SSH1: variants seen among roughly 807,000 people sequenced by gnomAD.
SSH1 encodes slingshot protein phosphatase 1, also known as protein phosphatase Slingshot homolog 1.
SSH1 carries 43 observed loss-of-function variants against 79.7 expected under a neutral mutation model. That is an observed-to-expected ratio of 0.54 (90% CI 0.42 to 0.70). The LOEUF (loss-of-function observed/expected upper bound fraction) is 0.70, where lower values mean the gene tolerates loss of function less well. Among genes scored for constraint, SSH1 ranks in the 30% least tolerant of loss-of-function variants. The probability of loss-of-function intolerance (pLI) is 0.00; values close to 1 mark genes in which losing one functional copy is unlikely to be tolerated. For missense variants in SSH1, 1,206 were observed against 1,358.8 expected, an observed-to-expected ratio of 0.89 and a Z score of 1.77; for synonymous variants, 599 against 538.3, an observed-to-expected ratio of 1.11 and a Z score of -1.56.
At chr12:108,833,347 C>T (rs1357873076) in intron 2 of SSH1, among the ~76,000 whole-genome samples, 2 of 152,156 alleles carry the variant, frequency 1.3e-5, no homozygotes, top group African/African-American at 4.8e-5. Flanking sequence ...GGTATAAAGG[C>T]TGCACTGTGC....
At chr12:108,856,474 C>G (rs2039145452) in intron 1 of SSH1, among the ~76,000 whole-genome samples, 1 of 152,218 alleles carries the variant, frequency 6.6e-6, no homozygotes, top group Non-Finnish European at 1.5e-5. Flanking sequence ...TGCAATCACC[C>G]AGAATGGGTC....
chr12:108,796,591 C>T (rs183189365), intron 13 of SSH1, among the ~76,000 whole-genome samples: 1 of 152,238 alleles, frequency 6.6e-6, no homozygotes, highest in Admixed American at 6.5e-5. Flanking sequence ...TTTGTTTATT[C>T]ATCCATCAAT....
intron 2 of SSH1, chr12:108,827,435 G>C: frequency 7.5e-7 from 1 of 1,326,288 alleles, no homozygotes; most frequent in Non-Finnish European, 9.7e-7. Flanking sequence ...GGAAAAGCCA[G>C]GAGGCTGCCG....
chr12:108,830,484 C>T (rs1195168112), intron 2 of SSH1, among the ~76,000 whole-genome samples: 2 of 152,026 alleles, frequency 1.3e-5, no homozygotes, highest in Admixed American at 6.6e-5. Flanking sequence ...AAACAAACAA[C>T]ATCAGAAGAC....
intron 5 of SSH1, among the ~76,000 whole-genome samples, chr12:108,812,799 C>T (rs1404421855): frequency 3.9e-5 from 6 of 152,098 alleles, no homozygotes; most frequent in African/African-American, 1.4e-4. Context: ...TCCAGCAGTC[C>T]TACAATGATT....
intron 5 of SSH1, among the ~76,000 whole-genome samples, chr12:108,812,220 T>C (rs555541253): frequency 1.6e-4 from 25 of 152,360 alleles, no homozygotes; most frequent in African/African-American, 6.0e-4. Flanking sequence ...CGTGCCATCC[T>C]ACCCACTCTG....
In SSH1 at chr12:108,784,573, C is replaced by G. The variant is rs1457030905; in HGVS notation, c.*3415G>C. 6.6e-6 allele frequency: 1 copy of G among 152,118 alleles called. No homozygotes were observed. The highest frequency in any genetic ancestry group is 1.9e-4 in the East Asian group (1 of 5,198). The allele number at this position is 152,118 out of a possible 1,614,324, so 9.4% of individuals were successfully genotyped here. A position where few individuals can be genotyped will look rare whatever the true frequency, so the allele number is the denominator to read the frequency against. Reference sequence around the variant, plus strand: ...TTAGGAAATACATGCAACCAGGGACCTTGCTAGAAGGCTCGGAAGTAGCCG... The same window carrying G: ...TTAGGAAATACATGCAACCAGGGACGTTGCTAGAAGGCTCGGAAGTAGCCG... On this transcript the variant is annotated 3_prime_UTR_variant, in exon 15 of 15. Transcript: ENST00000326495.
Position 108,795,119 on chromosome 12 carries a change from C to T in SSH1, c.1350-2290G>A, listed in dbSNP as rs563099892. On this transcript the variant is annotated intron_variant, in intron 13 of 14. Coordinates refer to ENST00000326495, the MANE Select transcript of SSH1 (RefSeq NM_018984.4). ...AATTATCTTCAGAGAAAGGCACAGA[C>T]GTGTCTCCCAGGTGTGCATCCTTAA... Among the ~76,000 whole-genome samples the T allele has an allele frequency of 4.6e-5, 7 of 152,324 alleles. No individual in the cohort carries two copies. The South Asian group carries it at 8.3e-4, about 18-fold the overall frequency.
chr12:108,854,846 G>C (rs561366654), intron 1 of SSH1, among the ~76,000 whole-genome samples: 1 of 152,158 alleles, frequency 6.6e-6, no homozygotes, highest in East Asian at 1.9e-4. Flanking sequence ...GGGCAGAACC[G>C]GCCTGGCCTA....
chr12:108,817,344 T>C, intron 4 of SSH1, 185 bp from the exon 5 acceptor site: 1 of 724,422 alleles, frequency 1.4e-6, no homozygotes, highest in Non-Finnish European at 2.3e-6. Flanking sequence ...GAGGCCAAGG[T>C]AGGCAGATCA....
chr12:108,801,465 G>A (rs1418540934), intron 11 of SSH1, among the ~76,000 whole-genome samples: 26 of 152,198 alleles, frequency 1.7e-4, no homozygotes, highest in Admixed American at 1.1e-3. Context: ...AATAATGTCA[G>A]GAGTTAGAAA....
At chr12:108,798,976 C>A (rs779833456) in intron 13 of SSH1, 24 bp downstream of exon 13, 1 of 1,609,658 alleles carries the variant, frequency 6.2e-7, no homozygotes, top group Non-Finnish European at 8.5e-7. Context: ...GCCTGCCAAC[C>A]CTTCTCTCCA....
chr12:108,797,412 G>A (rs571049195), intron 13 of SSH1, among the ~76,000 whole-genome samples: 22 of 152,238 alleles, frequency 1.4e-4, no homozygotes, highest in Non-Finnish European at 1.8e-4. Context: ...CCTTCAAGCC[G>A]AAAAGCCTGA....
In SSH1 at chr12:108,792,382, C is replaced by T; in HGVS notation, c.1797G>A (p.Gly599=). The change falls in exon 14 of 15, where the codon GGG becomes GGA. Residue 599 remains glycine, a synonymous_variant. Transcript: ENST00000326495. ...ETEREEGLGA[G]RWGQLPTQLD... ...GCTGGGTTGGAAGCTGCCCCCACCT[C>T]CCTGCTCCCAGGCCCTCCTCCCTTT... 6.2e-7 allele frequency: 1 copy of T among 1,614,216 alleles called. No homozygotes were observed. Among genetic ancestry groups the T allele is most frequent in the African/African-American group, 1.3e-5 (1 of 75,058 alleles).
chr12:108,789,098 T>C lies in SSH1; in HGVS notation c.2040A>G (p.Pro680=). Residue 680 remains proline, a synonymous_variant, in exon 15 of 15, where the codon CCA becomes CCG. Transcript: ENST00000326495. ...AGGACGTGATGTGGGGTAGGAAGGC[T>C]GGCTGGGTGCAGATGGCGGGAGCAT... is the stretch of plus-strand genomic sequence containing the variant. ...DPNAPAICTQ[P]AFLPHITSSP... 6.2e-7 allele frequency: 1 copy of C among 1,613,826 alleles called. No individual in the cohort carries two copies. Among genetic ancestry groups the C allele is most frequent in the Non-Finnish European group, 8.5e-7 (1 of 1,179,812 alleles).
intron 2 of SSH1, among the ~76,000 whole-genome samples, chr12:108,843,814 C>T (rs894099718): frequency 2.6e-5 from 4 of 152,162 alleles, no homozygotes; most frequent in East Asian, 1.9e-4. Flanking sequence ...GGATTACAGG[C>T]GTGAGCCACT....
At chr12:108,849,005 C>G (rs1010589038) in intron 2 of SSH1, among the ~76,000 whole-genome samples, 2 of 152,148 alleles carry the variant, frequency 1.3e-5, no homozygotes, top group Non-Finnish European at 2.9e-5. Context: ...CCTGTATGTC[C>G]AAGACAGCTA....
chr12:108,844,375 T>C (rs796194440), intron 2 of SSH1, among the ~76,000 whole-genome samples: 1 of 152,180 alleles, frequency 6.6e-6, no homozygotes, highest in Non-Finnish European at 1.5e-5. Flanking sequence ...AACAAGCATG[T>C]GGGTGCTGAG....
chr12:108,807,498 A>G lies in SSH1; in HGVS notation c.731+135T>C. On this transcript the variant is annotated intron_variant, in intron 8 of 14. Transcript: ENST00000326495. The surrounding 1 kb of genome is among the most constrained non-coding windows in gnomAD (Gnocchi z 5.2). ...CCTGCTTTAAACGCTGGTTCTGAGA[A>G]AGCTAGGGTTCTCACTCAAGGGACT... The G allele has an allele frequency of 2.6e-6, 2 of 761,088 alleles. No homozygotes were observed. The allele number at this position is 761,088 out of a possible 1,614,324, so 47.1% of individuals were successfully genotyped here. A position where few individuals can be genotyped will look rare whatever the true frequency, so the allele number is the denominator to read the frequency against.
Sources: gnomAD v4.1 joint callset for allele counts (sites outside exome capture counted in the v4.1 genomes callset) on GRCh38, gnomAD v4.1.1 for gene constraint, Gnocchi (gnomAD v3.1) non-coding constraint, MANE v1.5 for transcripts, NCBI Gene and HGNC (gene_info 2026-07-23, HGNC 2026-07-21) for gene names.